MPLKIP: variants seen among roughly 807,000 people sequenced by gnomAD.
MPLKIP encodes the protein M-phase specific PLK1 interacting protein.
Under a neutral mutation model 16.9 loss-of-function variants are expected in MPLKIP, and 16 were observed. The ratio of observed to expected loss-of-function variants is 0.94; its 90% confidence interval spans 0.64 to 1.43. The LOEUF is 1.43. Among genes scored for constraint, MPLKIP ranks in the 40% most tolerant of loss-of-function variants. MPLKIP has a pLI of 0.00. For synonymous variants in MPLKIP, 126 were observed against 98.4 expected (o/e 1.28, Z -1.66); for missense variants, 282 against 237.6 (o/e 1.19, Z -1.23).
At position 40,134,460 on chromosome 7, in the gene MPLKIP, T is replaced by C. The variant is rs1377990842; in HGVS notation, c.108A>G (p.Pro36=). ...ACCCGTCTCGAGGGGAGGGCGGCCG[T>C]GGTCCGCCCCCGCCCGGGGTTCCCC... ...SFRGTPGGGG[P]RPPSPRDGYG... Residue 36 remains proline, a synonymous_variant, in exon 1 of 2, where the codon CCA becomes CCG. Transcript: ENST00000306984. 9 of 1,570,270 alleles carry C rather than the reference T, an allele frequency of 5.7e-6. No homozygotes were observed. Among genetic ancestry groups the C allele is most frequent in the Non-Finnish European group, 7.8e-6 (9 of 1,159,692 alleles).
Position 40,134,337 on chromosome 7 carries a change from C to G in MPLKIP, c.231G>C (p.Arg77=), listed in dbSNP as rs748882240. 10 of 1,552,718 alleles carry G rather than the reference C, an allele frequency of 6.4e-6. No homozygotes were observed. Among genetic ancestry groups the G allele is most frequent in the Admixed American group, 3.9e-5 (2 of 51,340 alleles). The change falls in exon 1 of 2, where the codon CGG becomes CGC. Residue 77 remains arginine, a synonymous_variant. Coordinates refer to ENST00000306984, the MANE Select transcript of MPLKIP (RefSeq NM_138701.4). ...PRHGGSFPGG[R]FGSPSPGGYP... ...AGCCGCCAGGGGACGGAGACCCGAA[C>G]CGGCCCCCCGGGAAGCTGCCGCCGT... is the stretch of plus-strand genomic sequence containing the variant.
rs1379069010 is a variant in MPLKIP, at chr7:40,131,472, G to A, written c.*1587C>T. On this transcript the variant is annotated 3_prime_UTR_variant, in exon 2 of 2. Coordinates refer to ENST00000306984, the MANE Select transcript of MPLKIP (RefSeq NM_138701.4). The stretch of plus-strand genomic sequence containing the variant: ...CTCAGCACTGTGGGAGGCTGAGATG[G>A]GTGGATCATTTGAGATCATGAGTTC... The A allele has an allele frequency of 1.3e-5, 2 of 151,532 alleles. No individual in the cohort carries two copies. The highest frequency in any genetic ancestry group is 4.9e-5 in the African/African-American group (2 of 40,820). 9.4% of individuals were successfully genotyped at this position (151,532 alleles called of 1,614,324 possible). A position where few individuals can be genotyped will look rare whatever the true frequency, so the allele number is the denominator to read the frequency against.
Position 40,129,652 on chromosome 7 carries a change from G to A in MPLKIP, c.*3407C>T, listed in dbSNP as rs2150558789. On this transcript the variant is annotated 3_prime_UTR_variant, in exon 2 of 2. Transcript: ENST00000306984. Reference sequence around the variant, plus strand: ...ATGGCAGTCAGAAGTTGGCTAAGGGGCCAAGCGTGGTGGCTCACACCTGTA... The same window carrying A: ...ATGGCAGTCAGAAGTTGGCTAAGGGACCAAGCGTGGTGGCTCACACCTGTA... The A allele has an allele frequency of 6.6e-6, 1 of 152,156 alleles. No individual in the cohort carries two copies. The highest frequency in any genetic ancestry group is 1.5e-5 in the Non-Finnish European group (1 of 68,044). The allele number at this position is 152,156 out of a possible 1,614,324, so 9.4% of individuals were successfully genotyped here.
rs185783207 is a variant in MPLKIP at position 40,127,723 on chromosome 7, A to C, written c.*5336T>G. 6.6e-6 allele frequency: 1 copy of C among 152,150 alleles called. No homozygotes were observed. Among genetic ancestry groups the C allele is most frequent in the Non-Finnish European group, 1.5e-5 (1 of 68,034 alleles). 9.4% of individuals were successfully genotyped at this position (152,150 alleles called of 1,614,324 possible). On this transcript the variant is annotated 3_prime_UTR_variant, in exon 2 of 2. Coordinates refer to ENST00000306984, the MANE Select transcript of MPLKIP (RefSeq NM_138701.4). ...CAAAGCATCTTAAATTAGATGATAA[A>C]TTATGGAAATTATGAGCAAAATAAA... is the stretch of plus-strand genomic sequence containing the variant.
rs1299226917 is a variant in MPLKIP at position 40,130,472 on chromosome 7, G to A, written c.*2587C>T. 6.6e-6 allele frequency: 1 copy of A among 152,150 alleles called. No homozygotes were observed. The highest frequency in any genetic ancestry group is 2.4e-5 in the African/African-American group (1 of 41,448). 9.4% of individuals were successfully genotyped at this position (152,150 alleles called of 1,614,324 possible). ...GCCAGGTCTCTAGAAGTAGATGTTG[G>A]TAAGCGTTAGCAAGAAATTTTACCT... On this transcript the variant is annotated 3_prime_UTR_variant, in exon 2 of 2. Transcript: ENST00000306984.
chr7:40,128,241 G>A lies in MPLKIP; in HGVS notation c.*4818C>T, dbSNP rs1009318337. The A allele has an allele frequency of 6.6e-6, 1 of 152,102 alleles. No individual in the cohort carries two copies. Among genetic ancestry groups the A allele is most frequent in the Non-Finnish European group, 1.5e-5 (1 of 68,036 alleles). 9.4% of individuals were successfully genotyped at this position (152,102 alleles called of 1,614,324 possible). On this transcript the variant is annotated 3_prime_UTR_variant, in exon 2 of 2. Coordinates refer to ENST00000306984, the MANE Select transcript of MPLKIP (RefSeq NM_138701.4). ...CTACCTTCCAACCAGGCGATTATGT[G>A]TCTTATTTACAGTAAAAACTACAAC...
intron 1 of MPLKIP, 62 bp from the exon 2 acceptor site, chr7:40,133,321 G>A (rs1787499607): frequency 6.9e-7 from 1 of 1,440,808 alleles, no homozygotes; most frequent in Admixed American, 1.7e-5. Flanking sequence ...TCTTCCTTTA[G>A]CTAAAGGTTA....
At position 40,132,806 on chromosome 7, in the gene MPLKIP, T is replaced by C; in HGVS notation, c.*253A>G. ...CATTAAAAGACAAATGTCCATTATG[T>C]AACCAGGAATGTTAAATATATGGAA... On this transcript the variant is annotated 3_prime_UTR_variant, in exon 2 of 2. Coordinates refer to ENST00000306984, the MANE Select transcript of MPLKIP (RefSeq NM_138701.4). The C allele has an allele frequency of 2.0e-6, 1 of 500,556 alleles. No individual in the cohort carries two copies. The highest frequency in any genetic ancestry group is 3.6e-6 in the Non-Finnish European group (1 of 277,606). The allele number at this position is 500,556 out of a possible 1,614,324, so 31.0% of individuals were successfully genotyped here. A position where few individuals can be genotyped will look rare whatever the true frequency, so the allele number is the denominator to read the frequency against.
chr7:40,133,781 C>A (rs770505938), intron 1 of MPLKIP, among the ~76,000 whole-genome samples: 4 of 150,120 alleles, frequency 2.7e-5, no homozygotes, highest in African/African-American at 7.4e-5. Context: ...GATACTCTCT[C>A]TGTCTTTTGT....
At position 40,128,494 on chromosome 7, in the gene MPLKIP, T is replaced by C. The variant is rs1013828981; in HGVS notation, c.*4565A>G. The C allele has an allele frequency of 6.6e-6, 1 of 152,254 alleles. No individual in the cohort carries two copies. The highest frequency in any genetic ancestry group is 2.4e-5 in the African/African-American group (1 of 41,458). The allele number at this position is 152,254 out of a possible 1,614,324, so 9.4% of individuals were successfully genotyped here. A position where few individuals can be genotyped will look rare whatever the true frequency, so the allele number is the denominator to read the frequency against. On this transcript the variant is annotated 3_prime_UTR_variant, in exon 2 of 2. Transcript: ENST00000306984. Reference sequence around the variant, plus strand: ...AACTTACTTCTAAAATGTTTTTAACTTGAAGATGTAATGTTAGTATGTCAG... The same window carrying C: ...AACTTACTTCTAAAATGTTTTTAACCTGAAGATGTAATGTTAGTATGTCAG...
At position 40,131,399 on chromosome 7, in the gene MPLKIP, T is replaced by G. The variant is rs1352314778; in HGVS notation, c.*1660A>C. ...CAAAATGCCTAGAGTCTGTGTTACA[T>G]GTTAAAACACCTGATTTTGGCCGGG... On this transcript the variant is annotated 3_prime_UTR_variant, in exon 2 of 2. Transcript: ENST00000306984. 6.6e-6 allele frequency: 1 copy of G among 152,162 alleles called. No individual in the cohort carries two copies. Among genetic ancestry groups the G allele is most frequent in the Non-Finnish European group, 1.5e-5 (1 of 68,032 alleles). 9.4% of individuals were successfully genotyped at this position (152,162 alleles called of 1,614,324 possible).
Position 40,134,278 on chromosome 7 carries a change from G to C in MPLKIP, c.290C>G (p.Ser97Cys), listed in dbSNP as rs1376092567. Reference protein sequence around the residue: ...PGSYSRSPAGSQQQFGYSPGQ... With the variant: ...PGSYSRSPAGCQQQFGYSPGQ... ...TGGGGAGTAGCCGAATTGCTGCTGG[G>C]ACCCCGCGGGGGACCTGGAGTAGGA... Residue 97 changes from serine to cysteine, a missense_variant, in exon 1 of 2, where the codon TCC becomes TGC. By Grantham distance (112) the Ser-to-Cys change is moderately radical. Coordinates refer to ENST00000306984, the MANE Select transcript of MPLKIP (RefSeq NM_138701.4). The C allele has an allele frequency of 3.2e-6, 5 of 1,560,712 alleles. No individual in the cohort carries two copies. Among genetic ancestry groups the C allele is most frequent in the Non-Finnish European group, 4.3e-6 (5 of 1,152,410 alleles).
rs1227459030 is a variant in MPLKIP, at chr7:40,128,141, CAGT to C, written c.*4915_*4917del. 1 of 151,994 alleles carries C rather than the reference CAGT, an allele frequency of 6.6e-6. No homozygotes were observed. Among genetic ancestry groups the C allele is most frequent in the African/African-American group, 2.4e-5 (1 of 41,376 alleles). 9.4% of individuals were successfully genotyped at this position (151,994 alleles called of 1,614,324 possible). ...TTTTTTTCAGACTAGTCAAGTGCAG[CAGT>C]GAGAAGCGGGGGGAAGACGAGAACA... is the stretch of plus-strand genomic sequence containing the variant. On this transcript the variant is annotated 3_prime_UTR_variant, in exon 2 of 2. Coordinates refer to ENST00000306984, the MANE Select transcript of MPLKIP (RefSeq NM_138701.4).
rs1041190830 is a variant in MPLKIP, at chr7:40,127,107, T to G, written c.*5952A>C. 5 of 152,110 alleles carry G rather than the reference T, an allele frequency of 3.3e-5. No individual in the cohort carries two copies. The highest frequency in any genetic ancestry group is 1.2e-4 in the African/African-American group (5 of 41,420). The allele number at this position is 152,110 out of a possible 1,614,324, so 9.4% of individuals were successfully genotyped here. On this transcript the variant is annotated 3_prime_UTR_variant, in exon 2 of 2. Transcript: ENST00000306984. ...TTCTATATACCTACTTATATCTAAGTATATGTTCTGCTTTTAAGAGTACTA... is the reference window on the plus strand; with the variant it reads ...TTCTATATACCTACTTATATCTAAGGATATGTTCTGCTTTTAAGAGTACTA...
chr7:40,133,886 TA>T (rs34937720), intron 1 of MPLKIP, among the ~76,000 whole-genome samples: 12,877 of 105,556 alleles, frequency 0.12, 610 homozygotes, highest in African/African-American at 0.19. Context: ...GAAAGAAAGA[TA>T]AAAAAAAAAA....
chr7:40,127,109 T>C lies in MPLKIP; in HGVS notation c.*5950A>G, dbSNP rs1787402460. On this transcript the variant is annotated 3_prime_UTR_variant, in exon 2 of 2. Coordinates refer to ENST00000306984, the MANE Select transcript of MPLKIP (RefSeq NM_138701.4). ...CTATATACCTACTTATATCTAAGTA[T>C]ATGTTCTGCTTTTAAGAGTACTATA... is the stretch of plus-strand genomic sequence containing the variant. 1 of 152,266 alleles carries C rather than the reference T, an allele frequency of 6.6e-6. No homozygotes were observed. Among genetic ancestry groups the C allele is most frequent in the Admixed American group, 6.5e-5 (1 of 15,282 alleles). 9.4% of individuals were successfully genotyped at this position (152,266 alleles called of 1,614,324 possible). A position where few individuals can be genotyped will look rare whatever the true frequency, so the allele number is the denominator to read the frequency against.
Position 40,132,849 on chromosome 7 carries a change from T to C in MPLKIP, c.*210A>G, listed in dbSNP as rs1362147068. On this transcript the variant is annotated 3_prime_UTR_variant, in exon 2 of 2. Transcript: ENST00000306984. ...ATATGGAAACGGTAAATCTCTAAAA[T>C]GTGGTAGGTACTTCCAGAGCTAAAT... The C allele has an allele frequency of 8.7e-6, 5 of 577,324 alleles. No homozygotes were observed. In the East Asian group the frequency reaches 1.5e-4, roughly 17 times the overall value. 35.8% of individuals were successfully genotyped at this position (577,324 alleles called of 1,614,324 possible). A position where few individuals can be genotyped will look rare whatever the true frequency, so the allele number is the denominator to read the frequency against.
chr7:40,126,399 T>C lies in MPLKIP; in HGVS notation c.*6660A>G, dbSNP rs189645970. On this transcript the variant is annotated 3_prime_UTR_variant, in exon 2 of 2. Coordinates refer to ENST00000306984, the MANE Select transcript of MPLKIP (RefSeq NM_138701.4). ...TGCAACTTATTTATCCTTTCTCCTA[T>C]GGTCATTTAGATTGTTGGCAATCTT... The C allele has an allele frequency of 2.0e-5, 3 of 152,340 alleles. No individual in the cohort carries two copies. Among genetic ancestry groups the C allele is most frequent in the African/African-American group, 7.2e-5 (3 of 41,598 alleles). The allele number at this position is 152,340 out of a possible 1,614,324, so 9.4% of individuals were successfully genotyped here.
At position 40,131,395 on chromosome 7, in the gene MPLKIP, TACATGTTAAA is replaced by T. The variant is rs1787460589; in HGVS notation, c.*1654_*1663del. 6.6e-6 allele frequency: 1 copy of T among 152,146 alleles called. No homozygotes were observed. Among genetic ancestry groups the T allele is most frequent in the Non-Finnish European group, 1.5e-5 (1 of 68,034 alleles). 9.4% of individuals were successfully genotyped at this position (152,146 alleles called of 1,614,324 possible). ...ACTTCAAAATGCCTAGAGTCTGTGT[TACATGTTAAA>T]ACACCTGATTTTGGCCGGGCATGGT... On this transcript the variant is annotated 3_prime_UTR_variant, in exon 2 of 2. Coordinates refer to ENST00000306984, the MANE Select transcript of MPLKIP (RefSeq NM_138701.4).
Sources: gnomAD v4.1 joint callset for allele counts (sites outside exome capture counted in the v4.1 genomes callset) on GRCh38, gnomAD v4.1.1 for gene constraint, MANE v1.5 for transcripts, NCBI Gene and HGNC (gene_info 2026-07-23, HGNC 2026-07-21) for gene names.